The following SLC36A3 variants were observed in gnomAD, a reference collection of about 807,000 sequenced individuals.
The protein encoded by SLC36A3 is proton-coupled amino acid transporter 3.
SLC36A3 carries 35 observed loss-of-function variants against 44.3 expected under a neutral mutation model. The observed-to-expected ratio is 0.79, with a 90% CI of 0.60 to 1.05. The LOEUF (loss-of-function observed/expected upper bound fraction) is 1.05. Among genes scored for constraint, SLC36A3 ranks in the 50% least tolerant of loss-of-function variants. SLC36A3 has a pLI of 0.00. For missense variants in SLC36A3, 540 were observed against 578.7 expected, an observed-to-expected ratio of 0.93 and a Z score of 0.69; for synonymous variants, 211 against 227.6, an observed-to-expected ratio of 0.93 and a Z score of 0.66.
In SLC36A3 at chr5:151,293,440, T is replaced by G. The variant is rs766748878; in HGVS notation, c.328A>C (p.Asn110His). 2 of 1,613,290 alleles carry G rather than the reference T, an allele frequency of 1.2e-6. No homozygotes were observed. Among genetic ancestry groups the G allele is most frequent in the Admixed American group, 3.3e-5 (2 of 59,936 alleles). The change falls in exon 4 of 10, where the codon AAC (asparagine) becomes CAC (histidine). Residue 110 changes from asparagine to histidine, a missense_variant. Transcript: ENST00000335230. The part of the protein sequence containing the change: ...LSQRLQKTFV[N>H]YGEATMYGLE... ...CCGTACATCGTGGCCTCTCCATAGT[T>G]CACAAAAGTCTTCTGCAGTCTAGGG...
chr5:151,297,819 G>C (rs1282450568), intron 2 of SLC36A3: 2 of 152,186 alleles, frequency 1.3e-5, no homozygotes, highest in Non-Finnish European at 2.9e-5. Context: ...AAATTAGCTG[G>C]GCGTGGTGGC....
intron 3 of SLC36A3, 141 bp from the exon 4 acceptor site, chr5:151,293,600 CTTTAACAA>C: frequency 1.5e-6 from 1 of 662,760 alleles, no homozygotes; most frequent in African/African-American, 1.8e-5. Context: ...CTACTTTATA[CTTTAACAA>C]CTTTCAGGAG....
chr5:151,298,306 C>T (rs79703316), intron 2 of SLC36A3: 11,575 of 315,932 alleles, frequency 0.037, 1,172 homozygotes, highest in African/African-American at 0.23. Context: ...ATGCAAATGA[C>T]GAAATGAGCT....
intron 1 of SLC36A3, 55 bp from the exon 2 acceptor site, chr5:151,298,738 G>A (rs1755047319): frequency 1.3e-6 from 2 of 1,576,994 alleles, no homozygotes; most frequent in East Asian, 4.5e-5. Context: ...GGGAAGCATG[G>A]CCAGAAACTC....
Position 151,296,522 on chromosome 5 carries a change from T to C in SLC36A3, c.220-254A>G, listed in dbSNP as rs974127952. 29 of 529,046 alleles carry C rather than the reference T, an allele frequency of 5.5e-5. No individual in the cohort carries two copies. The Middle Eastern group carries it at 2.0e-3, about 36-fold the overall frequency. The allele number at this position is 529,046 out of a possible 1,614,324, so 32.8% of individuals were successfully genotyped here. A position where few individuals can be genotyped will look rare whatever the true frequency, so the allele number is the denominator to read the frequency against. ...GCTCATTACCTTCCCACATAGCCCATGCATTTTCTCATTTTCCTTGAGTTC... is the reference window on the plus strand; with the variant it reads ...GCTCATTACCTTCCCACATAGCCCACGCATTTTCTCATTTTCCTTGAGTTC... On this transcript the variant is annotated intron_variant, in intron 2 of 9. Transcript: ENST00000335230.
At chr5:151,292,577 T>C (rs751767273) in intron 4 of SLC36A3, among the ~76,000 whole-genome samples, 2 of 152,248 alleles carry the variant, frequency 1.3e-5, no homozygotes, top group African/African-American at 2.4e-5. Context: ...AAAACCATTT[T>C]GTACACCGTT....
intron 8 of SLC36A3, among the ~76,000 whole-genome samples, chr5:151,281,653 A>T (rs1200394587): frequency 6.6e-6 from 1 of 152,136 alleles, no homozygotes; most frequent in Non-Finnish European, 1.5e-5. Flanking sequence ...GCTCGTCTCT[A>T]ATAAAAATAC....
chr5:151,288,230 A>G (rs1386386589), intron 5 of SLC36A3, among the ~76,000 whole-genome samples, 156 bp downstream of exon 5: 1 of 152,198 alleles, frequency 6.6e-6, no homozygotes, highest in African/African-American at 2.4e-5. Flanking sequence ...TCAAAATGTG[A>G]TTCCCAGGAC....
chr5:151,288,491 C>T, intron 4 of SLC36A3, 21 bp from the exon 5 acceptor site: 5 of 1,479,864 alleles, frequency 3.4e-6, no homozygotes, highest in Non-Finnish European at 3.7e-6. Context: ...AAGGAAGAGG[C>T]AGACAGAGGG....
At chr5:151,298,562 A>G in intron 2 of SLC36A3, 31 bp downstream of exon 2, 1 of 1,611,012 alleles carries the variant, frequency 6.2e-7, no homozygotes, top group African/African-American at 1.3e-5. Context: ...AAATGAGCAA[A>G]CCTAGTTCCC....
At chr5:151,291,658 C>G (rs1240280182) in intron 4 of SLC36A3, among the ~76,000 whole-genome samples, 1 of 152,098 alleles carries the variant, frequency 6.6e-6, no homozygotes, top group African/African-American at 2.4e-5. Context: ...AGAGGTGGTA[C>G]TACTCTGTAC....
At chr5:151,278,956 C>A (rs1019959184) in intron 9 of SLC36A3, among the ~76,000 whole-genome samples, 1 of 152,182 alleles carries the variant, frequency 6.6e-6, no homozygotes, top group African/African-American at 2.4e-5. Flanking sequence ...CTGCTCAGTG[C>A]CTTTCCATGG....
In SLC36A3 at chr5:151,287,530, G is replaced by T. The variant is rs1048166918; in HGVS notation, c.490-66C>A. The T allele has an allele frequency of 2.2e-5, 32 of 1,457,454 alleles. No individual in the cohort carries two copies. The African/African-American group carries it at 4.2e-4, about 19-fold the overall frequency. The allele number at this position is 1,457,454 out of a possible 1,614,324, so 90.3% of individuals were successfully genotyped here. On this transcript the variant is annotated intron_variant, in intron 5 of 9. Transcript: ENST00000335230. ...AAAACACAGGACACCAATTACATTT[G>T]AATTTCAGGTAATTAATGTAACTTT...
In SLC36A3 at chr5:151,293,469, A is replaced by G. The variant is rs749276597; in HGVS notation, c.309-10T>C. 2.4e-5 allele frequency: 39 copies of G among 1,602,326 alleles called. No individual in the cohort carries two copies. The highest frequency in any genetic ancestry group is 2.2e-5 in the Non-Finnish European group (26 of 1,172,760). ...AAAAGTCTTCTGCAGTCTAGGGGGAAAGAACAAACAATGCATAATTTAAAA... is the reference window on the plus strand; with the variant it reads ...AAAAGTCTTCTGCAGTCTAGGGGGAGAGAACAAACAATGCATAATTTAAAA... On this transcript the variant is annotated splice_polypyrimidine_tract_variant and intron_variant, in intron 3 of 9. Transcript: ENST00000335230.
chr5:151,291,889 C>T (rs1234639821), intron 4 of SLC36A3, among the ~76,000 whole-genome samples: 1 of 152,050 alleles, frequency 6.6e-6, no homozygotes, highest in Non-Finnish European at 1.5e-5. Flanking sequence ...GAGATGGAGT[C>T]TCACTCTGTC....
At chr5:151,291,161 T>G (rs946586185) in intron 4 of SLC36A3, among the ~76,000 whole-genome samples, 5 of 151,922 alleles carry the variant, frequency 3.3e-5, no homozygotes, top group Admixed American at 6.6e-5. Context: ...TAAAAAAAAT[T>G]TTTGTGGAGA....
intron 6 of SLC36A3, among the ~76,000 whole-genome samples, chr5:151,285,036 T>C (rs1415653989): frequency 1.3e-5 from 2 of 152,162 alleles, no homozygotes; most frequent in African/African-American, 4.8e-5. Flanking sequence ...ATCTATCAAA[T>C]AATAACGCCC....
Position 151,287,398 on chromosome 5 carries a change from T to A in SLC36A3, c.556A>T (p.Ile186Phe), listed in dbSNP as rs1561632677. 2 of 1,614,106 alleles carry A rather than the reference T, an allele frequency of 1.2e-6. No homozygotes were observed. Among genetic ancestry groups the A allele is most frequent in the South Asian group, 2.2e-5 (2 of 91,070 alleles). ...QPREILTLTPILDIRFYMLII... is the reference protein window; with the variant it reads ...QPREILTLTPFLDIRFYMLII... ...AGCATGTAGAAACGAATGTCCAGGA[T>A]GGGGGTCAGCGTCAGAATCTCCCTG... Residue 186 changes from isoleucine (I) to phenylalanine (F), a missense_variant, in exon 6 of 10, where the codon ATC becomes TTC. By Grantham distance (21) the Ile-to-Phe change is conservative. Transcript: ENST00000335230.
intron 8 of SLC36A3, among the ~76,000 whole-genome samples, chr5:151,282,261 T>C (rs1374596668): frequency 6.6e-6 from 1 of 151,994 alleles, no homozygotes; most frequent in African/African-American, 2.4e-5. Context: ...TTCCGCCTCC[T>C]GGATTCAAGC....
Sources: gnomAD v4.1 joint callset for allele counts (sites outside exome capture counted in the v4.1 genomes callset) on GRCh38, gnomAD v4.1.1 for gene constraint, MANE v1.5 for transcripts, NCBI Gene and HGNC (gene_info 2026-07-23, HGNC 2026-07-21) for gene names.